Variants in LRMDA observed in about 807,000 individuals in gnomAD.
LRMDA encodes leucine-rich melanocyte differentiation-associated protein.
In LRMDA, 18 loss-of-function variants were observed where a neutral mutation model predicts 29.8. That is an observed-to-expected ratio of 0.60 (90% confidence interval 0.42 to 0.90). The LOEUF is 0.90. Ranked by LOEUF, LRMDA falls within the 40% of genes least tolerant of loss-of-function variation. The probability of loss-of-function intolerance (pLI) is 0.00; values close to 1 mark genes in which losing one functional copy is unlikely to be tolerated. For missense variants in LRMDA, 273 were observed against 273.9 expected, an observed-to-expected ratio of 1.00 and a Z score of 0.02; for synonymous variants, 125 against 109.4, an observed-to-expected ratio of 1.14 and a Z score of -0.89.
intron 6 of LRMDA, among the ~76,000 whole-genome samples, chr10:76,363,153 GAAAGAAAGAAAGAAAGAAAGAAA>G (rs1841334908): frequency 1.4e-3 from 57 of 39,380 alleles, no homozygotes; most frequent in African/African-American, 3.5e-3. Flanking sequence ...AAGAAAGAAA[GAAAGAAAGAAAGAAAGAAAGAAA>G]GGAGGGAGGG....
intron 2 of LRMDA, among the ~76,000 whole-genome samples, chr10:75,497,228 TA>T (rs1307302055): frequency 1.3e-5 from 2 of 152,156 alleles, no homozygotes; most frequent in Non-Finnish European, 2.9e-5. Context: ...TTAACTCTAA[TA>T]TTTTTAATGA....
At chr10:76,071,833 G>A (rs1244628565) in intron 5 of LRMDA, among the ~76,000 whole-genome samples, 1 of 152,152 alleles carries the variant, frequency 6.6e-6, no homozygotes, top group Non-Finnish European at 1.5e-5. Context: ...CAGGAGTCAC[G>A]TCAAAAATGA....
intron 5 of LRMDA, among the ~76,000 whole-genome samples, chr10:76,278,417 A>G (rs79948969): frequency 0.069 from 10,498 of 152,268 alleles, 936 homozygotes; most frequent in African/African-American, 0.21. Context: ...CAACGCATGT[A>G]AAACTGTGAT....
chr10:75,713,320 T>C (rs1413646309), intron 2 of LRMDA, among the ~76,000 whole-genome samples: 1 of 152,236 alleles, frequency 6.6e-6, no homozygotes, highest in Non-Finnish European at 1.5e-5. Flanking sequence ...TTTCAGAGAA[T>C]AAGAGTCTGT....
intron 2 of LRMDA, among the ~76,000 whole-genome samples, chr10:75,893,402 G>A (rs1187304366): frequency 3.9e-5 from 6 of 152,186 alleles, no homozygotes; most frequent in African/African-American, 1.4e-4. Context: ...TTTATAAACA[G>A]GTTAGACGTA....
chr10:76,179,942 G>A (rs1045655214), intron 5 of LRMDA, among the ~76,000 whole-genome samples: 7 of 152,174 alleles, frequency 4.6e-5, no homozygotes, highest in Admixed American at 3.3e-4. Context: ...AATGAAAAAC[G>A]CTGAAGGTAT....
chr10:76,512,588 A>G (rs1348019908), intron 6 of LRMDA, among the ~76,000 whole-genome samples: 1 of 152,216 alleles, frequency 6.6e-6, no homozygotes. Context: ...AAAATGGATC[A>G]TAGACTAAAT....
intron 2 of LRMDA, among the ~76,000 whole-genome samples, chr10:75,640,635 C>T (rs1036445739): frequency 6.6e-6 from 1 of 152,132 alleles, no homozygotes; most frequent in African/African-American, 2.4e-5. Flanking sequence ...AAATTAGAGG[C>T]CCCTCTCCCA....
intron 2 of LRMDA, among the ~76,000 whole-genome samples, chr10:75,445,820 TG>T (rs1844387393): frequency 6.6e-6 from 1 of 152,264 alleles, no homozygotes; most frequent in South Asian, 2.1e-4. Flanking sequence ...AGGGTTTAAT[TG>T]ATCTATGGCA....
intron 5 of LRMDA, among the ~76,000 whole-genome samples, chr10:76,220,393 A>G (rs993865806): frequency 2.0e-5 from 3 of 152,202 alleles, no homozygotes; most frequent in African/African-American, 7.2e-5. Context: ...AAAGAAGAAA[A>G]GAGAGAAGAA....
chr10:75,942,198 A>G (rs76118970), intron 2 of LRMDA, among the ~76,000 whole-genome samples: 2 of 152,006 alleles, frequency 1.3e-5, no homozygotes, highest in African/African-American at 4.8e-5. Flanking sequence ...CTCAGTGTTT[A>G]TCATACAAAT....
At chr10:76,210,660 C>T (rs941520309) in intron 5 of LRMDA, among the ~76,000 whole-genome samples, 8 of 151,894 alleles carry the variant, frequency 5.3e-5, no homozygotes, top group East Asian at 1.9e-4. Context: ...GGGGTAGGGG[C>T]GAGAGGAAGA....
At position 76,394,209 on chromosome 10, in the gene LRMDA, T is replaced by G. The variant is rs140072899; in HGVS notation, c.601+69724T>G. On this transcript the variant is annotated intron_variant, in intron 6 of 6. Coordinates refer to ENST00000611255, the MANE Select transcript of LRMDA (RefSeq NM_001305581.2). ...GAAACTGAAGTTTAAATAAACCATT[T>G]GTTTAATGGCTTTAATGTGGACACT... Among the ~76,000 whole-genome samples the G allele has an allele frequency of 8.5e-5, 13 of 152,310 alleles. No homozygotes were observed. The East Asian group carries it at 2.1e-3, about 25-fold the overall frequency.
chr10:75,610,942 T>A (rs747104766), intron 2 of LRMDA, among the ~76,000 whole-genome samples: 1 of 152,078 alleles, frequency 6.6e-6, no homozygotes, highest in Non-Finnish European at 1.5e-5. Flanking sequence ...GGTGGAAACT[T>A]AATGTGTGTG....
chr10:76,237,422 A>T (rs1196882849), intron 5 of LRMDA, among the ~76,000 whole-genome samples: 1 of 152,146 alleles, frequency 6.6e-6, no homozygotes, highest in African/African-American at 2.4e-5. Context: ...CAGAGAAGGG[A>T]ATTTAGTGAC....
intron 2 of LRMDA, among the ~76,000 whole-genome samples, chr10:75,699,331 A>G (rs1202792409): frequency 1.3e-5 from 2 of 152,182 alleles, no homozygotes; most frequent in African/African-American, 2.4e-5. Flanking sequence ...AAATCCTGCT[A>G]TGGAGAGAAC....
chr10:75,505,941 T>G (rs1036527928), intron 2 of LRMDA, among the ~76,000 whole-genome samples: 1 of 152,204 alleles, frequency 6.6e-6, no homozygotes, highest in Non-Finnish European at 1.5e-5. Context: ...TTAACTCTCC[T>G]CCTCCATCCC....
At chr10:75,513,856 T>A (rs1449080185) in intron 2 of LRMDA, among the ~76,000 whole-genome samples, 2 of 152,100 alleles carry the variant, frequency 1.3e-5, no homozygotes, top group African/African-American at 4.8e-5. Context: ...CTCAGCAAAG[T>A]CCCATTTGCC....
intron 2 of LRMDA, among the ~76,000 whole-genome samples, chr10:75,936,467 G>C (rs1397006006): frequency 6.6e-6 from 1 of 152,056 alleles, no homozygotes; most frequent in Non-Finnish European, 1.5e-5. Flanking sequence ...AGGCCTATTT[G>C]CATATCTATT....
Sources: gnomAD v4.1 joint callset for allele counts (sites outside exome capture counted in the v4.1 genomes callset) on GRCh38, gnomAD v4.1.1 for gene constraint, MANE v1.5 for transcripts, NCBI Gene and HGNC (gene_info 2026-07-23, HGNC 2026-07-21) for gene names.